Variants in DNAH7 observed in about 807,000 individuals in gnomAD.
DNAH7 encodes the protein axonemal beta dynein heavy chain 7.
A neutral mutation model predicts 444.6 loss-of-function variants in DNAH7; 397 were observed. The observed-to-expected ratio is 0.89, with a 90% confidence interval of 0.82 to 0.97. DNAH7 has a LOEUF of 0.97. DNAH7 is among the 50% of genes least tolerant of loss of function. The probability of loss-of-function intolerance (pLI) is 0.00; values close to 1 mark genes in which losing one functional copy is unlikely to be tolerated. For missense variants in DNAH7, 4,902 were observed against 4,800.8 expected, an observed-to-expected ratio of 1.02 and a Z score of -0.62; for synonymous variants, 1,636 against 1,624.4, an observed-to-expected ratio of 1.01 and a Z score of -0.17.
At chr2:195,764,661 C>T (rs1274641031) in intron 61 of DNAH7, among the ~76,000 whole-genome samples, 7 of 151,676 alleles carry the variant, frequency 4.6e-5, no homozygotes, top group African/African-American at 1.2e-4. Context: ...AGATAAAATA[C>T]CTAGGACTTA....
chr2:195,738,600 T>C (rs1167539571), intron 64 of DNAH7, among the ~76,000 whole-genome samples: 2 of 152,178 alleles, frequency 1.3e-5, no homozygotes, highest in Admixed American at 6.5e-5. Context: ...ATATATATTA[T>C]GCTGTTTAAA....
intron 54 of DNAH7, among the ~76,000 whole-genome samples, chr2:195,804,996 C>T (rs1336248167): frequency 6.6e-6 from 1 of 152,032 alleles, no homozygotes; most frequent in African/African-American, 2.4e-5. Context: ...AAACAAAAAA[C>T]ATACAAACCA....
chr2:195,825,805 C>G (rs535741820), intron 48 of DNAH7, among the ~76,000 whole-genome samples: 2 of 152,192 alleles, frequency 1.3e-5, no homozygotes, highest in East Asian at 3.9e-4. Flanking sequence ...GCTCAGGGTG[C>G]TGGGGTGACA....
chr2:195,915,872 T>C (rs1041680593), intron 24 of DNAH7, among the ~76,000 whole-genome samples: 1 of 152,260 alleles, frequency 6.6e-6, no homozygotes, highest in African/African-American at 2.4e-5. Flanking sequence ...ATCCAGATTA[T>C]ACATGAGAGC....
At chr2:195,827,868 T>C (rs1160879410) in intron 48 of DNAH7, among the ~76,000 whole-genome samples, 1 of 152,190 alleles carries the variant, frequency 6.6e-6, no homozygotes, top group East Asian at 1.9e-4. Context: ...TGAGCCACTG[T>C]ACCCGACCTT....
intron 5 of DNAH7, among the ~76,000 whole-genome samples, chr2:196,039,987 G>A (rs1696642119): frequency 6.6e-6 from 1 of 151,586 alleles, no homozygotes; most frequent in South Asian, 2.1e-4. Flanking sequence ...ATTGAACCAG[G>A]GAAGAAATAG....
chr2:195,880,284 G>T (rs1701295926), intron 36 of DNAH7, among the ~76,000 whole-genome samples: 2 of 150,632 alleles, frequency 1.3e-5, no homozygotes, highest in Admixed American at 6.6e-5. Context: ...TAAGAACAAA[G>T]ACTTAGCTAT....
At chr2:195,985,961 C>T (rs1471228192) in intron 14 of DNAH7, among the ~76,000 whole-genome samples, 1 of 152,168 alleles carries the variant, frequency 6.6e-6, no homozygotes, top group African/African-American at 2.4e-5. Flanking sequence ...CAATGCAAAA[C>T]ACTCCTAGTT....
chr2:195,987,050 A>T lies in DNAH7; in HGVS notation c.1754+16T>A. On this transcript the variant is annotated intron_variant, in intron 14 of 64. Transcript: ENST00000312428. ...TCCCCTCCCAAAAAATAAAAAAACC[A>T]GTATCACATAAATACCTTGTATTTA... is the stretch of plus-strand genomic sequence containing the variant. 1 of 1,561,578 alleles carries T rather than the reference A, an allele frequency of 6.4e-7. No individual in the cohort carries two copies.
chr2:195,855,451 A>C (rs957327848), intron 45 of DNAH7, among the ~76,000 whole-genome samples: 8 of 152,074 alleles, frequency 5.3e-5, no homozygotes, highest in African/African-American at 7.2e-5. Flanking sequence ...TGATTAAATA[A>C]TCTAGCTCAA....
intron 31 of DNAH7, among the ~76,000 whole-genome samples, chr2:195,889,245 G>C (rs1701877269): frequency 6.6e-6 from 1 of 151,288 alleles, no homozygotes; most frequent in African/African-American, 2.4e-5. Flanking sequence ...TTTCTCTCTT[G>C]CTTCCTTCCT....
Position 195,872,292 on chromosome 2 carries a change from T to C in DNAH7, c.6591A>G (p.Thr2197=), listed in dbSNP as rs373322769. The change falls in exon 40 of 65, where the codon ACA becomes ACG. Residue 2197 remains threonine (T), a synonymous_variant. Transcript: ENST00000312428. ...GTTTAATCACTTCTGTGGTTTCTGTTGTTTCTGGTCTTGACAAACAAACAC... is the reference window on the plus strand; with the variant it reads ...GTTTAATCACTTCTGTGGTTTCTGTCGTTTCTGGTCTTGACAAACAAACAC... ...IQGVCLSRPE[T]TETTEVIKRL... is the part of the protein sequence containing the mutation. 1.2e-6 allele frequency: 2 copies of C among 1,613,820 alleles called. No individual in the cohort carries two copies. The highest frequency in any genetic ancestry group is 1.3e-5 in the African/African-American group (1 of 74,920).
chr2:196,060,131 T>A (rs1387365888), intron 1 of DNAH7, among the ~76,000 whole-genome samples: 3 of 152,022 alleles, frequency 2.0e-5, no homozygotes, highest in Non-Finnish European at 4.4e-5. Context: ...GGCAGGAGAA[T>A]GGTGTGAACC....
At chr2:196,052,464 G>T (rs1327019547) in intron 2 of DNAH7, among the ~76,000 whole-genome samples, 1 of 152,222 alleles carries the variant, frequency 6.6e-6, no homozygotes, top group Non-Finnish European at 1.5e-5. Context: ...CACAAAGAAT[G>T]TAAATTATCA....
At chr2:195,818,754 AC>A (rs1466086003) in intron 49 of DNAH7, among the ~76,000 whole-genome samples, 3 of 152,082 alleles carry the variant, frequency 2.0e-5, no homozygotes, top group Non-Finnish European at 4.4e-5. Flanking sequence ...GGCTCTGGTC[AC>A]CAATGAACCC....
At chr2:196,061,692 G>A (rs1024122741) in intron 1 of DNAH7, among the ~76,000 whole-genome samples, 1 of 152,114 alleles carries the variant, frequency 6.6e-6, no homozygotes, top group Non-Finnish European at 1.5e-5. Context: ...GAAAGAAAGT[G>A]GAGAGTGGAA....
chr2:196,023,122 G>A (rs1559344320), intron 8 of DNAH7, among the ~76,000 whole-genome samples: 1 of 152,124 alleles, frequency 6.6e-6, no homozygotes, highest in Non-Finnish European at 1.5e-5. Context: ...TCACATGAAT[G>A]GTTTAGCATC....
intron 47 of DNAH7, among the ~76,000 whole-genome samples, chr2:195,836,594 G>C (rs1041857138): frequency 2.0e-5 from 3 of 151,754 alleles, no homozygotes; most frequent in Non-Finnish European, 2.9e-5. Context: ...TTCAGTCTAT[G>C]ACATTAATTA....
intron 15 of DNAH7, among the ~76,000 whole-genome samples, chr2:195,977,184 A>G (rs1280557313): frequency 6.6e-6 from 1 of 152,256 alleles, no homozygotes; most frequent in Non-Finnish European, 1.5e-5. Flanking sequence ...AGAGATAGAG[A>G]TATGTGAGAT....
Sources: gnomAD v4.1 joint callset for allele counts (sites outside exome capture counted in the v4.1 genomes callset) on GRCh38, gnomAD v4.1.1 for gene constraint, MANE v1.5 for transcripts, NCBI Gene and HGNC (gene_info 2026-07-23, HGNC 2026-07-21) for gene names.